Variants in DOCK3 observed in about 807,000 individuals in gnomAD.
The protein encoded by DOCK3 is dedicator of cytokinesis protein 3.
In DOCK3, 60 loss-of-function variants were observed where a neutral mutation model predicts 265.6. That is an observed-to-expected ratio of 0.23 (90% CI 0.18 to 0.28). The LOEUF is 0.28. DOCK3 is among the 10% of genes least tolerant of loss of function. DOCK3 has a pLI of 1.00. For synonymous variants in DOCK3, 881 were observed against 938.0 expected (o/e 0.94, Z 1.11); for missense variants, 1,981 against 2,594.3 (o/e 0.76, Z 5.14).
chr3:51,102,973 G>C (rs2083143967), intron 9 of DOCK3, among the ~76,000 whole-genome samples: 1 of 152,136 alleles, frequency 6.6e-6, no homozygotes, highest in African/African-American at 2.4e-5. Flanking sequence ...GATTCTGCCA[G>C]TTGTTTACCT....
chr3:50,960,605 G>T (rs978092153), intron 5 of DOCK3, among the ~76,000 whole-genome samples: 1 of 151,970 alleles, frequency 6.6e-6, no homozygotes, highest in Admixed American at 6.6e-5. Flanking sequence ...TTTATCAGAA[G>T]TATGATTTGA....
At chr3:51,335,311 G>C (rs2084789773) in intron 35 of DOCK3, among the ~76,000 whole-genome samples, 1 of 151,890 alleles carries the variant, frequency 6.6e-6, no homozygotes, top group Non-Finnish European at 1.5e-5. Context: ...AGATCTAGCT[G>C]ACTCAAGAAC....
chr3:50,890,127 A>G, intron 4 of DOCK3, 46 bp downstream of exon 4: 3 of 1,360,746 alleles, frequency 2.2e-6, no homozygotes, highest in Non-Finnish European at 2.9e-6. Context: ...TTTATAGGCT[A>G]CAGAGGAAGA....
At chr3:50,977,435 T>C (rs964951829) in intron 5 of DOCK3, among the ~76,000 whole-genome samples, 1 of 152,334 alleles carries the variant, frequency 6.6e-6, no homozygotes, top group Non-Finnish European at 1.5e-5. Context: ...AATTCTGGGT[T>C]GAAAATTCTT....
intron 2 of DOCK3, among the ~76,000 whole-genome samples, chr3:50,807,016 G>C (rs1440662821): frequency 6.6e-6 from 1 of 152,092 alleles, no homozygotes. Context: ...TCCTGTCTCT[G>C]GGCCCCAGTC....
intron 7 of DOCK3, among the ~76,000 whole-genome samples, chr3:51,079,835 C>T (rs750879398): frequency 6.6e-6 from 1 of 152,160 alleles, no homozygotes; most frequent in Non-Finnish European, 1.5e-5. Context: ...TGAAATGTGA[C>T]ACTCAAAAAT....
At chr3:51,126,089 A>G (rs574187542) in intron 9 of DOCK3, among the ~76,000 whole-genome samples, 1 of 152,330 alleles carries the variant, frequency 6.6e-6, no homozygotes, top group Non-Finnish European at 1.5e-5. Flanking sequence ...GCTAGGTTAC[A>G]TATTTATCTA....
chr3:51,011,332 C>G (rs2078942266), intron 5 of DOCK3, among the ~76,000 whole-genome samples: 1 of 152,010 alleles, frequency 6.6e-6, no homozygotes, highest in Non-Finnish European at 1.5e-5. Flanking sequence ...TCTTTTTATT[C>G]TTTTTTCTCT....
At chr3:50,863,429 C>G (rs1283115175) in intron 3 of DOCK3, 1 of 519,994 alleles carries the variant, frequency 1.9e-6, no homozygotes, top group Non-Finnish European at 3.8e-6. Context: ...GGCAGAGGGT[C>G]TTTCCAACAG....
intron 19 of DOCK3, among the ~76,000 whole-genome samples, chr3:51,231,076 A>C (rs1474434965): frequency 6.8e-6 from 1 of 146,474 alleles, no homozygotes; most frequent in Non-Finnish European, 1.5e-5. Flanking sequence ...AAGGTATAAG[A>C]GTTCCCTTTT....
chr3:50,973,420 A>G (rs1403566204), intron 5 of DOCK3, among the ~76,000 whole-genome samples: 5 of 143,922 alleles, frequency 3.5e-5, no homozygotes, highest in African/African-American at 1.3e-4. Context: ...TAGTTTACTG[A>G]GAATGATGAT....
At chr3:51,157,432 G>A (rs570090168) in intron 10 of DOCK3, among the ~76,000 whole-genome samples, 287 of 152,208 alleles carry the variant, frequency 1.9e-3, no homozygotes, top group African/African-American at 6.7e-3. Flanking sequence ...TTTTAGTAGA[G>A]ATGGGGTTTC....
chr3:50,958,097 T>C (rs1236833547), intron 5 of DOCK3, among the ~76,000 whole-genome samples: 1 of 152,226 alleles, frequency 6.6e-6, no homozygotes, highest in Non-Finnish European at 1.5e-5. Context: ...TCTCCTGTCT[T>C]TGTCCAGTCC....
At chr3:50,830,942 G>T (rs987481706) in intron 2 of DOCK3, among the ~76,000 whole-genome samples, 1 of 152,016 alleles carries the variant, frequency 6.6e-6, no homozygotes, top group Non-Finnish European at 1.5e-5. Context: ...GATTATTCAA[G>T]AGTTTTCTAG....
intron 5 of DOCK3, among the ~76,000 whole-genome samples, chr3:50,935,469 C>A (rs1459470718): frequency 6.6e-6 from 1 of 152,078 alleles, no homozygotes; most frequent in East Asian, 1.9e-4. Flanking sequence ...GAAGTGGTGC[C>A]CCACCTCAGT....
At chr3:51,012,028 G>C (rs1050933864) in intron 5 of DOCK3, among the ~76,000 whole-genome samples, 11 of 152,132 alleles carry the variant, frequency 7.2e-5, no homozygotes, top group Admixed American at 5.9e-4. Flanking sequence ...CTGTCAGTCT[G>C]CCCCTACTGG....
chr3:51,326,452 G>A (rs557027459), intron 32 of DOCK3, among the ~76,000 whole-genome samples: 12 of 151,498 alleles, frequency 7.9e-5, no homozygotes, highest in Admixed American at 6.6e-4. Flanking sequence ...GTAGAAACTG[G>A]GTTTCTACTA....
chr3:51,333,050 C>G (rs2084632112), intron 34 of DOCK3, 23 bp downstream of exon 34: 1 of 1,613,972 alleles, frequency 6.2e-7, no homozygotes, highest in East Asian at 2.2e-5. Flanking sequence ...TGTGGTAAGT[C>G]TGCTGTCTCC....
chr3:50,861,714 A>T (rs1206026288), intron 3 of DOCK3, among the ~76,000 whole-genome samples: 1 of 150,410 alleles, frequency 6.6e-6, no homozygotes, highest in East Asian at 1.9e-4. Flanking sequence ...TGCTGGTCTT[A>T]AGTCTGTTTT....
Sources: allele counts gnomAD v4.1 joint callset (sites outside exome capture counted in the v4.1 genomes callset), GRCh38; gene constraint gnomAD v4.1.1; transcripts MANE v1.5; gene names NCBI Gene and HGNC (gene_info 2026-07-23, HGNC 2026-07-21).